The following ZFP62 variants were observed in gnomAD, a reference collection of about 807,000 sequenced individuals.
ZFP62 encodes zinc finger protein 62 homolog.
A neutral mutation model predicts 56.4 loss-of-function variants in ZFP62; 44 were observed. The ratio of observed to expected loss-of-function variants is 0.78; its 90% CI spans 0.61 to 1.00. The LOEUF (loss-of-function observed/expected upper bound fraction) is 1.00. Among genes scored for constraint, ZFP62 ranks in the 50% least tolerant of loss-of-function variants. The pLI, the probability that ZFP62 is intolerant of heterozygous loss-of-function variation, is 0.00. For synonymous variants in ZFP62, 421 were observed against 388.9 expected (o/e 1.08, Z -0.97); for missense variants, 1,030 against 1,085.7 (o/e 0.95, Z 0.72).
chr5:180,841,683 C>G, the ZFP62 span, among the ~76,000 whole-genome samples: 1 of 152,184 alleles, frequency 6.6e-6, no homozygotes. Flanking sequence ...CAGATGCTAT[C>G]AGACACAGCT....
rs537453593 is a variant in ZFP62, at chr5:180,858,976, G to C, written c.1+2243C>G. On this transcript the variant is annotated intron_variant, in intron 1 of 1. Transcript: ENST00000502412. ...ACCAACAACCTCTGGGCACTCTTCC[G>C]AGCTTCTTGTTCATGCTTTATCGCC... is the stretch of plus-strand genomic sequence containing the variant. Among the ~76,000 whole-genome samples, 9 of 152,208 alleles carry C rather than the reference G, an allele frequency of 5.9e-5. No homozygotes were observed. The South Asian group carries it at 1.0e-3, about 18-fold the overall frequency.
Position 180,850,345 on chromosome 5 carries a change from T to A in ZFP62, c.1150A>T (p.Lys384Ter). The change falls in exon 2 of 2, where the codon AAA becomes TAA. Residue 384 changes from lysine to a stop codon, truncating the protein, a stop_gained. Coordinates refer to ENST00000502412, the MANE Select transcript of ZFP62 (RefSeq NM_001172638.2). LOFTEE classifies it high-confidence loss of function. Reference sequence around the variant, plus strand: ...GGTTTCTCTCCTGTGTGGATCCTTTTATGCACTATGAGGCCTGAGCTGTTC... The same window carrying A: ...GGTTTCTCTCCTGTGTGGATCCTTTAATGCACTATGAGGCCTGAGCTGTTC... ...FRNSSGLIVH[K>*]RIHTGEKPYK... 6.4e-7 allele frequency: 1 copy of A among 1,570,324 alleles called. No homozygotes were observed. The highest frequency in any genetic ancestry group is 8.6e-7 in the Non-Finnish European group (1 of 1,157,804).
At chr5:180,833,538 G>T in the ZFP62 span, among the ~76,000 whole-genome samples, 4 of 151,618 alleles carry the variant, frequency 2.6e-5, no homozygotes, top group East Asian at 1.9e-4. Context: ...GCCATATGAG[G>T]ATACAGTAAG....
chr5:180,859,811 G>A (rs1475123013), intron 1 of ZFP62, among the ~76,000 whole-genome samples: 2 of 152,176 alleles, frequency 1.3e-5, no homozygotes, highest in South Asian at 4.1e-4. Flanking sequence ...TTTTGATAAC[G>A]ACTTGTCATA....
At chr5:180,831,747 C>T in the ZFP62 span, 3 of 152,878 alleles carry the variant, frequency 2.0e-5, no homozygotes, top group African/African-American at 7.2e-5. Context: ...GCACCTTCCT[C>T]CTCTCTCTCA....
At chr5:180,853,556 C>T (rs1444248622) in intron 1 of ZFP62, among the ~76,000 whole-genome samples, 3 of 152,108 alleles carry the variant, frequency 2.0e-5, no homozygotes, top group African/African-American at 7.2e-5. Context: ...AATTAAACAT[C>T]AGTGAGGATG....
Position 180,848,785 on chromosome 5 carries a change from C to T in ZFP62, c.*7G>A. 1 of 1,506,460 alleles carries T rather than the reference C, an allele frequency of 6.6e-7. No individual in the cohort carries two copies. The allele number at this position is 1,506,460 out of a possible 1,614,324, so 93.3% of individuals were successfully genotyped here. A position where few individuals can be genotyped will look rare whatever the true frequency, so the allele number is the denominator to read the frequency against. On this transcript the variant is annotated 3_prime_UTR_variant, in exon 2 of 2. Coordinates refer to ENST00000502412, the MANE Select transcript of ZFP62 (RefSeq NM_001172638.2). The stretch of plus-strand genomic sequence containing the variant: ...TGAGTTCGGAGAGACTTGGTAAGCT[C>T]TGCCTGCTACAGAGGCATCCTCATC...
At chr5:180,842,607 AT>A in the ZFP62 span, among the ~76,000 whole-genome samples, 7 of 152,242 alleles carry the variant, frequency 4.6e-5, no homozygotes, top group African/African-American at 1.7e-4. Context: ...ACAAAAAACC[AT>A]TTTTAAGAAT....
At chr5:180,858,263 AAAAAAAAAAAAAAAAG>A (rs1459858336) in intron 1 of ZFP62, among the ~76,000 whole-genome samples, 7 of 139,506 alleles carry the variant, frequency 5.0e-5, no homozygotes, top group African/African-American at 7.6e-5. Context: ...GTCTCAAAAA[AAAAAAAAAAAAAAAAG>A]AAAAAAAGAA....
chr5:180,841,367 C>G, the ZFP62 span, among the ~76,000 whole-genome samples: 104,248 of 151,410 alleles, frequency 0.69, 37,800 homozygotes, highest in East Asian at 0.96. Flanking sequence ...GAACTTGAGG[C>G]GAGGATTTTT....
At chr5:180,834,842 G>A in the ZFP62 span, 2 of 152,214 alleles carry the variant, frequency 1.3e-5, no homozygotes, top group African/African-American at 4.8e-5. Context: ...TTTCTGAGAA[G>A]GACCATGTTT....
At chr5:180,833,479 A>C in the ZFP62 span, among the ~76,000 whole-genome samples, 1 of 97,694 alleles carries the variant, frequency 1.0e-5, no homozygotes, top group Non-Finnish European at 1.9e-5. Flanking sequence ...ACTCTGTCTC[A>C]AAAAAAAAAA....
chr5:180,854,739 C>A (rs1032206730), intron 1 of ZFP62, among the ~76,000 whole-genome samples: 2 of 152,114 alleles, frequency 1.3e-5, no homozygotes, highest in Admixed American at 6.5e-5. Context: ...ACCAGGTAAA[C>A]CCAAAACGAA....
Position 180,849,361 on chromosome 5 carries a change from AG to A in ZFP62, c.2133del (p.Ser712GlnfsTer6). The A allele has an allele frequency of 6.4e-7, 1 of 1,551,188 alleles. No individual in the cohort carries two copies. The highest frequency in any genetic ancestry group is 2.4e-5 in the East Asian group (1 of 40,848). ...TTATGGCTTATAAGAGTTCTGCTTG[AG>A]AAAAAAGCTTTTCCACATTCATCAC... ...HTCDECGKAF[F>X]SSRTLISHKR... On this transcript the variant is annotated frameshift_variant, in exon 2 of 2. Coordinates refer to ENST00000502412, the MANE Select transcript of ZFP62 (RefSeq NM_001172638.2). LOFTEE classifies it high-confidence loss of function.
In ZFP62 at chr5:180,849,303, C is replaced by T; in HGVS notation, c.2192G>A (p.Cys731Tyr). 1 of 1,552,430 alleles carries T rather than the reference C, an allele frequency of 6.4e-7. No individual in the cohort carries two copies. Residue 731 changes from cysteine (C) to tyrosine (Y), a missense_variant, in exon 2 of 2, where the codon TGT becomes TAT. Coordinates refer to ENST00000502412, the MANE Select transcript of ZFP62 (RefSeq NM_001172638.2). ...ACTGAAAGATTTCCCACACTCAACA[C>T]ACTTGAAGGGTTTCTCCCCAAGATG... Reference protein sequence around the residue: ...RVHLGEKPFKCVECGKSFSYS... With the variant: ...RVHLGEKPFKYVECGKSFSYS...
the ZFP62 span, among the ~76,000 whole-genome samples, chr5:180,840,399 A>G: frequency 2.0e-5 from 3 of 152,158 alleles, no homozygotes; most frequent in Admixed American, 2.0e-4. Flanking sequence ...AAACTAGATA[A>G]CTTGCAGGAT....
At chr5:180,857,611 C>A (rs1205767956) in intron 1 of ZFP62, among the ~76,000 whole-genome samples, 1 of 152,134 alleles carries the variant, frequency 6.6e-6, no homozygotes, top group Non-Finnish European at 1.5e-5. Context: ...GATTCTCCTG[C>A]CTCAGCCTCC....
At chr5:180,853,124 C>T (rs960637150) in intron 1 of ZFP62, among the ~76,000 whole-genome samples, 3 of 152,194 alleles carry the variant, frequency 2.0e-5, no homozygotes, top group Non-Finnish European at 4.4e-5. Context: ...CATACATGCA[C>T]AGAGTGACTC....
the ZFP62 span, among the ~76,000 whole-genome samples, chr5:180,840,069 C>T: frequency 8.5e-5 from 13 of 152,186 alleles, no homozygotes; most frequent in Non-Finnish European, 1.3e-4. Flanking sequence ...GCCAGAGAGG[C>T]GAGCTGAGGA....
Sources: allele counts gnomAD v4.1 joint callset (sites outside exome capture counted in the v4.1 genomes callset), GRCh38; gene constraint gnomAD v4.1.1; transcripts MANE v1.5; gene names NCBI Gene and HGNC (gene_info 2026-07-23, HGNC 2026-07-21).